AUTS2: variants seen among roughly 807,000 people sequenced by gnomAD.
AUTS2 encodes the protein autism susceptibility gene 2 protein.
In AUTS2, 17 loss-of-function variants were observed where a neutral mutation model predicts 112.4. The ratio of observed to expected loss-of-function variants is 0.15; its 90% CI spans 0.10 to 0.23. AUTS2 has a LOEUF of 0.23. Among genes scored for constraint, AUTS2 ranks in the 10% least tolerant of loss-of-function variants. The pLI is 1.00. For missense variants in AUTS2, 1,510 were observed against 1,701.6 expected, an observed-to-expected ratio of 0.89 and a Z score of 1.98; for synonymous variants, 751 against 702.7, an observed-to-expected ratio of 1.07 and a Z score of -1.09.
At chr7:69,936,909 T>C (rs1796435451) in intron 2 of AUTS2, among the ~76,000 whole-genome samples, 1 of 152,138 alleles carries the variant, frequency 6.6e-6, no homozygotes, top group South Asian at 2.1e-4. Flanking sequence ...TTTCCGTCGT[T>C]CCTCCCTCTC....
At chr7:70,763,405 G>A in intron 7 of AUTS2, 64 bp downstream of exon 7, 5 of 1,205,366 alleles carry the variant, frequency 4.1e-6, no homozygotes, top group Non-Finnish European at 5.9e-6. Context: ...GTGGGTGGGA[G>A]TCGGGGAGGG....
intron 4 of AUTS2, among the ~76,000 whole-genome samples, chr7:70,203,472 TAAAG>T (rs886376827): frequency 6.6e-6 from 1 of 150,950 alleles, no homozygotes; most frequent in Non-Finnish European, 1.5e-5. Flanking sequence ...GAATCTATGA[TAAAG>T]AAAACTATTG....
chr7:69,671,486 G>GTGTGTGTGTGTGT (rs748832261), intron 1 of AUTS2, among the ~76,000 whole-genome samples: 27 of 138,518 alleles, frequency 1.9e-4, no homozygotes, highest in Non-Finnish European at 3.1e-4. Flanking sequence ...TGCTGCTGCT[G>GTGTGTGTGTGTGT]GTGTGTGTGT....
chr7:69,755,969 C>T (rs1787929771), intron 1 of AUTS2, among the ~76,000 whole-genome samples: 1 of 152,200 alleles, frequency 6.6e-6, no homozygotes, highest in Non-Finnish European at 1.5e-5. Flanking sequence ...CATGATTTAA[C>T]TGAGCCTTGC....
intron 14 of AUTS2, among the ~76,000 whole-genome samples, chr7:70,778,521 GAGCCTGGGAGTTTGAGTCC>G (rs1448807340): frequency 6.6e-6 from 1 of 151,300 alleles, no homozygotes; most frequent in African/African-American, 2.4e-5. Flanking sequence ...AGAACCCCTT[GAGCCTGGGAGTTTGAGTCC>G]AGCCTGGGCA....
rs1002231272 is a variant in AUTS2, at chr7:70,287,829, T to A, written c.661-147923T>A. On this transcript the variant is annotated intron_variant, in intron 4 of 18. Transcript: ENST00000342771. ...TGTCTTCTCAAAAAAAAAAAAAAAT[T>A]TTTTTTTAGCTCACCAAAAAATGTT... 6.6e-5 allele frequency among the ~76,000 whole-genome samples: 10 copies of A among 151,766 alleles called. No homozygotes were observed. The East Asian group carries it at 1.7e-3, about 27-fold the overall frequency.
rs751265981 is a variant in AUTS2, at chr7:70,609,959, T to TTTGTTATTG, written c.691-88605_691-88604insATTGTTGTT. 4.4e-3 allele frequency among the ~76,000 whole-genome samples: 544 copies of TTTGTTATTG among 122,970 alleles called. 4 individuals are homozygous for TTTGTTATTG. Among genetic ancestry groups the TTTGTTATTG allele is most frequent in the African/African-American group, 0.015 (515 of 33,798 alleles). 80.7% of individuals were successfully genotyped at this position (122,970 alleles called of 152,430 possible). Reference sequence around the variant, plus strand: ...GCTGAATCATATGGAAGTTCTGTTTTTTGTTGTTGTTGTTGTTGTTGTTGT... The same window carrying TTTGTTATTG: ...GCTGAATCATATGGAAGTTCTGTTTTTTGTTATTGTTGTTGTTGTTGTTGTTGTTGTTGT... On this transcript the variant is annotated intron_variant, in intron 5 of 18. Transcript: ENST00000342771.
chr7:70,470,339 G>A (rs1390758885), intron 5 of AUTS2, among the ~76,000 whole-genome samples: 2 of 152,172 alleles, frequency 1.3e-5, no homozygotes, highest in African/African-American at 4.8e-5. Context: ...TCACCCCACT[G>A]TGAAAACTCA....
At chr7:70,757,709 A>C (rs1225307080) in intron 6 of AUTS2, among the ~76,000 whole-genome samples, 1 of 149,536 alleles carries the variant, frequency 6.7e-6, no homozygotes. Flanking sequence ...ACACACACAC[A>C]CACCCCAGTT....
At chr7:70,587,477 C>G (rs1002434314) in intron 5 of AUTS2, among the ~76,000 whole-genome samples, 1 of 152,192 alleles carries the variant, frequency 6.6e-6, no homozygotes, top group African/African-American at 2.4e-5. Flanking sequence ...CATCACCTGG[C>G]CTAGATGGTC....
chr7:70,553,381 G>A (rs1319432597), intron 5 of AUTS2, among the ~76,000 whole-genome samples: 2 of 152,176 alleles, frequency 1.3e-5, no homozygotes, highest in African/African-American at 4.8e-5. Flanking sequence ...ACTGCAAGGG[G>A]GAAAATGACA....
intron 1 of AUTS2, among the ~76,000 whole-genome samples, chr7:69,701,886 G>A (rs1035265344): frequency 2.6e-5 from 4 of 152,170 alleles, no homozygotes; most frequent in African/African-American, 9.7e-5. Flanking sequence ...GAATCTCCAC[G>A]TGCTTCCCTC....
Position 70,106,482 on chromosome 7 carries a change from G to A in AUTS2, c.523-11650G>A, listed in dbSNP as rs116926892. 8.6e-3 allele frequency among the ~76,000 whole-genome samples: 1,314 copies of A among 152,290 alleles called. 51 individuals are homozygous for A. In the East Asian group the frequency reaches 0.1, roughly 12 times the overall value. ...AGCCTGTAATCCCAGCATTTTGGGA[G>A]GCCCAGGTGGAAGGATCATTTGAGC... On this transcript the variant is annotated intron_variant, in intron 2 of 18. Coordinates refer to ENST00000342771, the MANE Select transcript of AUTS2 (RefSeq NM_015570.4).
intron 1 of AUTS2, among the ~76,000 whole-genome samples, chr7:69,764,766 T>C (rs1012107999): frequency 5.9e-5 from 9 of 152,160 alleles, no homozygotes; most frequent in Non-Finnish European, 8.8e-5. Context: ...ATGAGAAGCA[T>C]GTGGTTGTGG....
At chr7:69,625,444 G>T (rs1793899222) in intron 1 of AUTS2, among the ~76,000 whole-genome samples, 1 of 152,170 alleles carries the variant, frequency 6.6e-6, no homozygotes, top group South Asian at 2.1e-4. Context: ...TCCAAGTGTG[G>T]AATGGTAGGA....
intron 4 of AUTS2, among the ~76,000 whole-genome samples, chr7:70,387,763 A>G (rs200543924): frequency 6.6e-6 from 1 of 152,092 alleles, no homozygotes; most frequent in Admixed American, 6.5e-5. Context: ...TTCTTCATCC[A>G]TCGTCTCTAC....
chr7:69,816,060 C>G (rs1252303698), intron 1 of AUTS2, among the ~76,000 whole-genome samples: 2 of 152,154 alleles, frequency 1.3e-5, no homozygotes, highest in Non-Finnish European at 2.9e-5. Context: ...ACAGGCCAAG[C>G]CTTTTGCCTC....
intron 4 of AUTS2, among the ~76,000 whole-genome samples, chr7:70,279,248 T>C (rs1188627492): frequency 6.6e-6 from 1 of 152,198 alleles, no homozygotes; most frequent in Non-Finnish European, 1.5e-5. Context: ...ACCCTTTTGT[T>C]CAACTCACCT....
chr7:69,920,314 A>G (rs946413356), intron 2 of AUTS2, among the ~76,000 whole-genome samples: 6 of 150,304 alleles, frequency 4.0e-5, no homozygotes, highest in African/African-American at 7.4e-5. Flanking sequence ...TTTTTTAGAG[A>G]GGGGGTCTTG....
Sources: allele counts gnomAD v4.1 joint callset (sites outside exome capture counted in the v4.1 genomes callset), GRCh38; gene constraint gnomAD v4.1.1; transcripts MANE v1.5; gene names NCBI Gene and HGNC (gene_info 2026-07-23, HGNC 2026-07-21).